Variants in SYNE1 observed in about 807,000 individuals in gnomAD.
SYNE1 encodes the protein spectrin repeat containing nuclear envelope protein 1, also known as nesprin-1.
In SYNE1, 616 loss-of-function variants were observed where a neutral mutation model predicts 1,111.0. The ratio of observed to expected loss-of-function variants is 0.55; its 90% confidence interval spans 0.52 to 0.59. SYNE1 has a LOEUF of 0.59. SYNE1 is among the 20% of genes least tolerant of loss of function. The pLI, the probability that SYNE1 is intolerant of heterozygous loss-of-function variation, is 0.00. For missense variants in SYNE1, 10,006 were observed against 10,417.0 expected (o/e 0.96, Z 1.72); for synonymous variants, 3,855 against 3,825.8 (o/e 1.01, Z -0.28).
intron 3 of SYNE1, among the ~76,000 whole-genome samples, chr6:152,575,513 A>G (rs950996166): frequency 5.9e-5 from 9 of 152,244 alleles, no homozygotes; most frequent in Non-Finnish European, 1.3e-4. Context: ...ATAGTTGTTC[A>G]ACAATTTATT....
intron 72 of SYNE1, among the ~76,000 whole-genome samples, chr6:152,348,876 G>A (rs1308779596): frequency 2.0e-5 from 3 of 151,886 alleles, no homozygotes; most frequent in Non-Finnish European, 2.9e-5. Flanking sequence ...TCTACAAACA[G>A]CGCTGGGCTA....
chr6:152,240,528 G>T (rs1265257794), intron 107 of SYNE1, among the ~76,000 whole-genome samples: 6 of 152,168 alleles, frequency 3.9e-5, no homozygotes, highest in African/African-American at 1.4e-4. Flanking sequence ...TACCGTTTGT[G>T]TATAATAGAC....
chr6:152,512,831 A>G (rs2099091947), intron 6 of SYNE1, among the ~76,000 whole-genome samples: 1 of 152,206 alleles, frequency 6.6e-6, no homozygotes, highest in Non-Finnish European at 1.5e-5. Flanking sequence ...TTGAACTTAC[A>G]ATACATTCTT....
At chr6:152,234,076 T>C in intron 111 of SYNE1, 113 bp from the exon 112 acceptor site, 5 of 1,108,028 alleles carry the variant, frequency 4.5e-6, no homozygotes, top group Non-Finnish European at 6.6e-6. Flanking sequence ...GAGGGGGTTA[T>C]GCTGAACACT....
chr6:152,294,040 A>G lies in SYNE1; in HGVS notation c.17770T>C (p.Phe5924Leu). The G allele has an allele frequency of 6.2e-7, 1 of 1,613,846 alleles. No individual in the cohort carries two copies. The highest frequency in any genetic ancestry group is 8.5e-7 in the Non-Finnish European group (1 of 1,179,964). ...IHPSTSASQE[F>L]YEPGLEPSAT... ...GATGGCTCCAATCCCGGTTCATAGAACTCCTGGGATGCGGATGTGCTGGGG... is the reference window on the plus strand; with the variant it reads ...GATGGCTCCAATCCCGGTTCATAGAGCTCCTGGGATGCGGATGTGCTGGGG... The change falls in exon 94 of 146, where the codon TTC becomes CTC. Residue 5924 changes from phenylalanine (F) to leucine (L), a missense_variant. This residue lies in a region of SYNE1 where 4,955 missense variants were observed against 5,017.2 expected (regional missense o/e 0.99). Transcript: ENST00000367255.
At chr6:152,385,454 T>C (rs2097511411) in intron 55 of SYNE1, among the ~76,000 whole-genome samples, 1 of 152,226 alleles carries the variant, frequency 6.6e-6, no homozygotes, top group South Asian at 2.1e-4. Context: ...CAAGCACATT[T>C]GCATACAGAA....
intron 3 of SYNE1, among the ~76,000 whole-genome samples, chr6:152,626,382 C>G (rs1242656436): frequency 6.6e-6 from 1 of 152,110 alleles, no homozygotes; most frequent in Non-Finnish European, 1.5e-5. Flanking sequence ...AGGGACTCAC[C>G]GACTTCCTTT....
intron 141 of SYNE1, among the ~76,000 whole-genome samples, chr6:152,136,400 T>C (rs1016893538): frequency 1.4e-4 from 21 of 152,212 alleles, no homozygotes; most frequent in Admixed American, 5.2e-4. Context: ...TCTCTTCTTA[T>C]CTGGACAGAA....
rs1312832742 is a variant in SYNE1 at position 152,331,954 on chromosome 6, C to G, written c.12795-64G>C. 6 of 1,595,786 alleles carry G rather than the reference C, an allele frequency of 3.8e-6. No homozygotes were observed. In the East Asian group the frequency reaches 1.3e-4, roughly 36 times the overall value. ...TAGTCAATATCGATGTTTGTTCATA[C>G]TATGCTAAATTACACTTCACCATTT... is the stretch of plus-strand genomic sequence containing the variant. On this transcript the variant is annotated intron_variant, in intron 77 of 145. Coordinates refer to ENST00000367255, the MANE Select transcript of SYNE1 (RefSeq NM_182961.4).
At chr6:152,476,739 C>T (rs1169070884) in intron 14 of SYNE1, among the ~76,000 whole-genome samples, 1 of 151,894 alleles carries the variant, frequency 6.6e-6, no homozygotes, top group African/African-American at 2.4e-5. Context: ...TGTGGTGGCC[C>T]ATGCCTGTAG....
chr6:152,411,731 CCA>C (rs1554649309), intron 42 of SYNE1, among the ~76,000 whole-genome samples: 1 of 149,558 alleles, frequency 6.7e-6, no homozygotes, highest in South Asian at 2.1e-4. Context: ...ACACACACCC[CCA>C]CACACACACA....
chr6:152,489,457 C>CTTT (rs3076635), intron 11 of SYNE1, among the ~76,000 whole-genome samples: 19,546 of 112,024 alleles, frequency 0.17, 2,005 homozygotes, highest in East Asian at 0.43. Context: ...CTTGGTGTGT[C>CTTT]TTTTTTTTTT....
intron 4 of SYNE1, among the ~76,000 whole-genome samples, chr6:152,534,424 T>G (rs185105602): frequency 2.6e-5 from 4 of 152,126 alleles, no homozygotes; most frequent in African/African-American, 9.7e-5. Context: ...ACTAATTTAT[T>G]AGAATGTTTA....
At chr6:152,311,135 C>T (rs753800210) in intron 87 of SYNE1, 45 of 508,310 alleles carry the variant, frequency 8.9e-5, no homozygotes, top group African/African-American at 8.1e-4. Context: ...AGCTCCTGCT[C>T]GGTCAAGCCC....
chr6:152,280,199 A>G (rs1387701569), intron 97 of SYNE1, among the ~76,000 whole-genome samples: 1 of 152,224 alleles, frequency 6.6e-6, no homozygotes, highest in Non-Finnish European at 1.5e-5. Context: ...TTAACTGACA[A>G]GATTTTAGCT....
chr6:152,565,330 G>A lies in SYNE1; in HGVS notation c.68-25309C>T, dbSNP rs539219433. Reference sequence around the variant, plus strand: ...AAGTTAGTTAATTACTGGGAATAAAGTAATCCTGAATCCTTAAAAGCTGGG... The same window carrying A: ...AAGTTAGTTAATTACTGGGAATAAAATAATCCTGAATCCTTAAAAGCTGGG... On this transcript the variant is annotated intron_variant, in intron 3 of 145. Transcript: ENST00000367255. 7.2e-5 allele frequency among the ~76,000 whole-genome samples: 11 copies of A among 152,252 alleles called. No individual in the cohort carries two copies. The South Asian group carries it at 2.3e-3, about 32-fold the overall frequency.
intron 93 of SYNE1, among the ~76,000 whole-genome samples, chr6:152,295,475 G>A (rs2094826058): frequency 1.3e-5 from 2 of 152,104 alleles, no homozygotes; most frequent in African/African-American, 2.4e-5. Context: ...AGCTGGACTT[G>A]TAGTTATGTC....
chr6:152,485,186 C>T (rs2098932769), intron 12 of SYNE1, among the ~76,000 whole-genome samples: 1 of 152,182 alleles, frequency 6.6e-6, no homozygotes, highest in Non-Finnish European at 1.5e-5. Flanking sequence ...TCATATTATC[C>T]TCTCTGGTTC....
Position 152,376,819 on chromosome 6 carries a change from T to C in SYNE1, c.9103A>G (p.Thr3035Ala), listed in dbSNP as rs1190085053. The C allele has an allele frequency of 1.2e-6, 2 of 1,614,100 alleles. No homozygotes were observed. The highest frequency in any genetic ancestry group is 8.5e-7 in the Non-Finnish European group (1 of 1,180,000). The change falls in exon 57 of 146, where the codon ACC becomes GCC. Residue 3035 changes from threonine to alanine, a missense_variant. Thr to Ala is a moderately conservative substitution (Grantham distance 58). Around this residue, in one of 7 missense-constraint regions of SYNE1, gnomAD observed 4,955 missense variants for 5,017.2 expected, o/e 0.99. Coordinates refer to ENST00000367255, the MANE Select transcript of SYNE1 (RefSeq NM_182961.4). Reference sequence around the variant, plus strand: ...AAGCCAGAAACTTTTCCACTGTAGGTACTCAGGTCTCTGGAAAATCGACAA... The same window carrying C: ...AAGCCAGAAACTTTTCCACTGTAGGCACTCAGGTCTCTGGAAAATCGACAA... ...ELCRFSRDLS[T>A]YSGKVSGLIK...
Sources: gnomAD v4.1 joint callset for allele counts (sites outside exome capture counted in the v4.1 genomes callset) on GRCh38, gnomAD v4.1.1 for gene constraint, gnomAD v4.1.1 regional missense constraint, MANE v1.5 for transcripts, NCBI Gene and HGNC (gene_info 2026-07-23, HGNC 2026-07-21) for gene names.